CCDC91: variants seen among roughly 807,000 people sequenced by gnomAD.
The protein encoded by CCDC91 is coiled-coil domain-containing protein 91.
A neutral mutation model predicts 63.2 loss-of-function variants in CCDC91; 48 were observed. That is an observed-to-expected ratio of 0.76 (90% CI 0.60 to 0.97). The LOEUF (loss-of-function observed/expected upper bound fraction) is 0.97, where lower values mean the gene tolerates loss of function less well. CCDC91 is among the 50% of genes least tolerant of loss of function. The pLI is 0.00. For missense variants in CCDC91, 500 were observed against 494.6 expected (o/e 1.01, Z -0.10); for synonymous variants, 167 against 165.8 (o/e 1.01, Z -0.06).
At chr12:28,460,306 T>C (rs7136429) in intron 11 of CCDC91, among the ~76,000 whole-genome samples, 58,521 of 151,936 alleles carry the variant, frequency 0.39, 11,625 homozygotes, top group Middle Eastern at 0.48. Context: ...TTACGTTCTC[T>C]CATATGAGAC....
intron 6 of CCDC91, among the ~76,000 whole-genome samples, chr12:28,335,092 AAT>A (rs1941830163): frequency 6.9e-6 from 1 of 144,330 alleles, no homozygotes; most frequent in African/African-American, 2.5e-5. Context: ...AAATGTAAAA[AAT>A]ATAAAATATA....
intron 6 of CCDC91, among the ~76,000 whole-genome samples, chr12:28,324,386 G>A (rs1355449273): frequency 6.6e-6 from 1 of 151,654 alleles, no homozygotes; most frequent in Non-Finnish European, 1.5e-5. Context: ...TCAAGAGGTG[G>A]GCAAATAACC....
chr12:28,397,031 A>G (rs1365457326), intron 8 of CCDC91, among the ~76,000 whole-genome samples: 1 of 152,180 alleles, frequency 6.6e-6, no homozygotes, highest in African/African-American at 2.4e-5. Flanking sequence ...CAGAGAATAT[A>G]TAAAATGAGA....
At chr12:28,459,899 T>G (rs1422722802) in intron 11 of CCDC91, among the ~76,000 whole-genome samples, 1 of 152,208 alleles carries the variant, frequency 6.6e-6, no homozygotes, top group Non-Finnish European at 1.5e-5. Flanking sequence ...CATTCATTTG[T>G]ACCTCCTCAG....
intron 11 of CCDC91, among the ~76,000 whole-genome samples, chr12:28,472,741 A>G (rs1251474136): frequency 6.6e-6 from 1 of 152,202 alleles, no homozygotes; most frequent in African/African-American, 2.4e-5. Context: ...GGAGGCATTT[A>G]TAGAATTCTA....
chr12:28,536,282 A>AG (rs1942168493), intron 12 of CCDC91, among the ~76,000 whole-genome samples: 1 of 152,198 alleles, frequency 6.6e-6, no homozygotes, highest in Non-Finnish European at 1.5e-5. Context: ...ACATTAACTT[A>AG]CGAAATTTCT....
chr12:28,401,362 T>C lies in CCDC91; in HGVS notation c.762+9951T>C, dbSNP rs180888764. Among the ~76,000 whole-genome samples the C allele has an allele frequency of 4.7e-4, 71 of 152,218 alleles. 2 individuals carry two copies. The East Asian group carries it at 0.012, about 25-fold the overall frequency. Reference sequence around the variant, plus strand: ...TAAAACCATCAGTTCTAATGAGAACTCCCTATCACAAGAACAGTATAAGGA... The same window carrying C: ...TAAAACCATCAGTTCTAATGAGAACCCCCTATCACAAGAACAGTATAAGGA... On this transcript the variant is annotated intron_variant, in intron 8 of 12. Transcript: ENST00000536442.
At chr12:28,522,732 C>T (rs139640073) in intron 12 of CCDC91, among the ~76,000 whole-genome samples, 18 of 152,308 alleles carry the variant, frequency 1.2e-4, no homozygotes, top group South Asian at 4.1e-4. Context: ...TTTCCATCTA[C>T]ACACTGCTTT....
chr12:28,319,298 G>GA (rs1208776790), intron 6 of CCDC91: 1 of 151,900 alleles, frequency 6.6e-6, no homozygotes, highest in Non-Finnish European at 1.5e-5. Flanking sequence ...ATTTGCAGCA[G>GA]AAAAAAGTAT....
intron 8 of CCDC91, among the ~76,000 whole-genome samples, chr12:28,423,569 A>G (rs1488332411): frequency 2.0e-5 from 3 of 151,736 alleles, no homozygotes; most frequent in Admixed American, 1.3e-4. Context: ...TCACATTTGT[A>G]TATGACATAA....
chr12:28,472,732 G>A (rs540116720), intron 11 of CCDC91, among the ~76,000 whole-genome samples: 3 of 152,206 alleles, frequency 2.0e-5, no homozygotes, highest in African/African-American at 7.2e-5. Flanking sequence ...CATCACTTGG[G>A]AGGCATTTAT....
chr12:28,409,210 G>A (rs963462770), intron 8 of CCDC91, among the ~76,000 whole-genome samples: 1 of 152,034 alleles, frequency 6.6e-6, no homozygotes, highest in Non-Finnish European at 1.5e-5. Context: ...TATTTTAGCT[G>A]TACCTGTTTT....
chr12:28,360,345 T>C (rs1363642316), intron 6 of CCDC91, among the ~76,000 whole-genome samples: 1 of 152,182 alleles, frequency 6.6e-6, no homozygotes, highest in Admixed American at 6.5e-5. Context: ...TTCTCTTTTA[T>C]CCTAAATATA....
chr12:28,457,037 T>A (rs1000173171), intron 11 of CCDC91, among the ~76,000 whole-genome samples: 2 of 152,154 alleles, frequency 1.3e-5, no homozygotes, highest in Non-Finnish European at 2.9e-5. Context: ...ACAGTTTTAC[T>A]TCAGATGAAA....
chr12:28,374,830 C>T (rs2138919674), intron 7 of CCDC91, among the ~76,000 whole-genome samples: 2 of 152,146 alleles, frequency 1.3e-5, no homozygotes, highest in South Asian at 2.1e-4. Flanking sequence ...TCATCTATTC[C>T]AGGAGCTGGC....
chr12:28,283,724 T>C (rs1374876554), intron 3 of CCDC91, among the ~76,000 whole-genome samples: 2 of 152,308 alleles, frequency 1.3e-5, no homozygotes, highest in Middle Eastern at 3.4e-3. Context: ...GTATAGCTTA[T>C]ACATATAGCC....
chr12:28,233,641 ATCTT>A (rs1156899136), intron 1 of CCDC91, among the ~76,000 whole-genome samples: 2 of 152,174 alleles, frequency 1.3e-5, no homozygotes, highest in African/African-American at 4.8e-5. Flanking sequence ...GGAAATTAAA[ATCTT>A]CATTTATTTA....
chr12:28,513,696 A>G (rs914937537), intron 12 of CCDC91, among the ~76,000 whole-genome samples: 1 of 151,906 alleles, frequency 6.6e-6, no homozygotes, highest in Admixed American at 6.6e-5. Context: ...TTGATTAAGC[A>G]TTAAGAAAAC....
chr12:28,294,392 C>T (rs1949430423), intron 3 of CCDC91, among the ~76,000 whole-genome samples: 1 of 152,036 alleles, frequency 6.6e-6, no homozygotes, highest in Admixed American at 6.5e-5. Context: ...GTGGTTCCCC[C>T]CGCATGCTGT....
Sources: allele counts gnomAD v4.1 joint callset (sites outside exome capture counted in the v4.1 genomes callset), GRCh38; gene constraint gnomAD v4.1.1; transcripts MANE v1.5; gene names NCBI Gene and HGNC (gene_info 2026-07-23, HGNC 2026-07-21).